Variants in ARFGEF1 observed in about 807,000 individuals in gnomAD.
ARFGEF1 encodes the protein ARF guanine nucleotide exchange factor 1.
In ARFGEF1, 42 loss-of-function variants were observed where a neutral mutation model predicts 231.0. The ratio of observed to expected loss-of-function variants is 0.18; its 90% CI spans 0.14 to 0.24. The LOEUF (loss-of-function observed/expected upper bound fraction) is 0.24. Among genes scored for constraint, ARFGEF1 ranks in the 10% least tolerant of loss-of-function variants. The pLI is 1.00. For synonymous variants in ARFGEF1, 710 were observed against 732.3 expected (o/e 0.97, Z 0.49); for missense variants, 1,345 against 2,192.0 (o/e 0.61, Z 7.72).
At chr8:67,310,445 T>C (rs1806952346) in intron 1 of ARFGEF1, among the ~76,000 whole-genome samples, 1 of 152,304 alleles carries the variant, frequency 6.6e-6, no homozygotes, top group Middle Eastern at 3.4e-3. Context: ...CTCGGCTCGC[T>C]ACAACCTACA....
At chr8:67,290,705 T>C (rs1030851222) in intron 6 of ARFGEF1, among the ~76,000 whole-genome samples, 1 of 152,166 alleles carries the variant, frequency 6.6e-6, no homozygotes, top group African/African-American at 2.4e-5. Flanking sequence ...GATTAGCCCT[T>C]TGAATCTGCC....
intron 17 of ARFGEF1, among the ~76,000 whole-genome samples, chr8:67,254,549 A>T (rs1047695262): frequency 2.0e-5 from 3 of 152,214 alleles, no homozygotes; most frequent in Non-Finnish European, 2.9e-5. Flanking sequence ...AACTATAGAG[A>T]GTGTGGTGTT....
chr8:67,332,137 A>G (rs1188587057), intron 1 of ARFGEF1, among the ~76,000 whole-genome samples: 2 of 152,204 alleles, frequency 1.3e-5, no homozygotes, highest in African/African-American at 4.8e-5. Flanking sequence ...AATATTGATG[A>G]GAGAACAGAA....
In ARFGEF1 at chr8:67,276,178, C is replaced by A; in HGVS notation, c.1204-69G>T. 5 of 1,540,134 alleles carry A rather than the reference C, an allele frequency of 3.2e-6. No homozygotes were observed. In the East Asian group the frequency reaches 1.1e-4, roughly 35 times the overall value. On this transcript the variant is annotated intron_variant, in intron 8 of 38. Transcript: ENST00000262215. ...AGTGTAAAATCGCTTCAGCCTTCTA[C>A]TGTATTTCATTCAATTCACTAACAG...
intron 1 of ARFGEF1, among the ~76,000 whole-genome samples, chr8:67,323,536 C>T (rs528208194): frequency 2.0e-5 from 3 of 152,242 alleles, no homozygotes; most frequent in African/African-American, 7.2e-5. Flanking sequence ...CCATTTATGT[C>T]GAATGTGCTT....
At chr8:67,190,800 A>C in intron 5 of ARFGEF1, 1 of 1,424,512 alleles carries the variant, frequency 7.0e-7, no homozygotes, top group Non-Finnish European at 9.9e-7. Flanking sequence ...ACTTAGAAGA[A>C]TGAGAGGTCT....
In ARFGEF1 at chr8:67,258,258, A is replaced by G; in HGVS notation, c.2268T>C (p.Asp756=). Reference sequence around the variant, plus strand: ...CATACATGACTTCTTTGTTAAATTTATCATTATCTCCCAGGAACTCACCCA... The same window carrying G: ...CATACATGACTTCTTTGTTAAATTTGTCATTATCTCCCAGGAACTCACCCA... The part of the protein sequence containing the change: ...TQVGEFLGDN[D]KFNKEVMYAY... The change falls in exon 16 of 39, where the codon GAT becomes GAC. Residue 756 remains aspartate, a synonymous_variant. Transcript: ENST00000262215. 1 of 1,607,638 alleles carries G rather than the reference A, an allele frequency of 6.2e-7. No homozygotes were observed. Among genetic ancestry groups the G allele is most frequent in the East Asian group, 2.2e-5 (1 of 44,838 alleles).
At chr8:67,276,538 A>C (rs1805321466) in intron 8 of ARFGEF1, among the ~76,000 whole-genome samples, 1 of 152,126 alleles carries the variant, frequency 6.6e-6, no homozygotes, top group Non-Finnish European at 1.5e-5. Context: ...ACCAAGCCAA[A>C]AAAAAATGTA....
rs1173511209 is a variant in ARFGEF1, at chr8:67,177,750, C to T, written c.561-2178G>A. The T allele has an allele frequency of 5.7e-6, 9 of 1,583,518 alleles. No homozygotes were observed. In the African/African-American group the frequency reaches 9.4e-5, roughly 17 times the overall value. ...TGGTAAGCAACCAGTTACAATTTTT[C>T]AAGTTAGTTTTTGGGGGATTAAAAA... On this transcript the variant is annotated intron_variant, in intron 5 of 5. Transcript: ENST00000518789.
At chr8:67,334,874 G>A (rs1808271495) in intron 1 of ARFGEF1, among the ~76,000 whole-genome samples, 1 of 152,112 alleles carries the variant, frequency 6.6e-6, no homozygotes, top group African/African-American at 2.4e-5. Flanking sequence ...ATAGATTAGT[G>A]AATGCCAGAA....
chr8:67,306,470 A>C (rs1806750663), intron 1 of ARFGEF1, among the ~76,000 whole-genome samples: 2 of 152,160 alleles, frequency 1.3e-5, no homozygotes. Context: ...TTTTAAACTG[A>C]GTATATGCGA....
chr8:67,207,756 ATC>A (rs1171121826), intron 34 of ARFGEF1, among the ~76,000 whole-genome samples: 3 of 152,190 alleles, frequency 2.0e-5, no homozygotes, highest in Non-Finnish European at 4.4e-5. Context: ...ACCACAACCT[ATC>A]CACCAAGGAA....
intron 5 of ARFGEF1, among the ~76,000 whole-genome samples, chr8:67,182,742 G>A (rs1014424938): frequency 6.6e-6 from 1 of 152,102 alleles, no homozygotes; most frequent in Non-Finnish European, 1.5e-5. Flanking sequence ...AGTGATGTTG[G>A]ACATCTTTAC....
chr8:67,236,964 A>T (rs1429141579), intron 22 of ARFGEF1, among the ~76,000 whole-genome samples: 1 of 152,190 alleles, frequency 6.6e-6, no homozygotes, highest in African/African-American at 2.4e-5. Flanking sequence ...CGTTTGACTA[A>T]AACTTCTAGA....
rs1806033100 is a variant in ARFGEF1 at position 67,292,061 on chromosome 8, A to G, written c.702T>C (p.Ser234=). Residue 234 remains serine, a synonymous_variant, in exon 6 of 39, where the codon TCT becomes TCC. Transcript: ENST00000262215. ...ATTCAGGCTCGTGATGGCTTACTGG[A>G]GACTGTAACAGATGATGATGCTGCC... ...RHRQHHHLLQ[S]PVSHHEPESP... 4 of 1,613,950 alleles carry G rather than the reference A, an allele frequency of 2.5e-6. No individual in the cohort carries two copies. The highest frequency in any genetic ancestry group is 3.4e-6 in the Non-Finnish European group (4 of 1,179,880).
intron 1 of ARFGEF1, among the ~76,000 whole-genome samples, chr8:67,329,713 T>C (rs2128932528): frequency 6.6e-6 from 1 of 151,930 alleles, no homozygotes; most frequent in South Asian, 2.1e-4. Context: ...GTGACTATCT[T>C]AGACAAAATA....
Position 67,343,480 on chromosome 8 carries a change from G to C in ARFGEF1, c.-193C>G. 7.7e-7 allele frequency: 1 copy of C among 1,302,104 alleles called. No homozygotes were observed. Among genetic ancestry groups the C allele is most frequent in the Non-Finnish European group, 9.8e-7 (1 of 1,022,186 alleles). 80.7% of individuals were successfully genotyped at this position (1,302,104 alleles called of 1,614,324 possible). On this transcript the variant is annotated 5_prime_UTR_variant, in exon 1 of 39. Transcript: ENST00000262215. ...AGCCGCGGTGTCGGCGAAGGGCGTCGAGGTCCTCGCCGCCCCCAAGAAGCC... is the reference window on the plus strand; with the variant it reads ...AGCCGCGGTGTCGGCGAAGGGCGTCCAGGTCCTCGCCGCCCCCAAGAAGCC...
chr8:67,311,543 C>T (rs1334122799), intron 1 of ARFGEF1, among the ~76,000 whole-genome samples: 5 of 146,424 alleles, frequency 3.4e-5, no homozygotes, highest in East Asian at 2.1e-4. Context: ...CCTGGCCAGC[C>T]GCCCAGTCTG....
At chr8:67,289,459 T>C (rs1453282267) in intron 6 of ARFGEF1, among the ~76,000 whole-genome samples, 1 of 141,798 alleles carries the variant, frequency 7.1e-6, no homozygotes, top group Non-Finnish European at 1.5e-5. Context: ...GAGGCTAAGA[T>C]GGAAGGATCG....
Sources: gnomAD v4.1 joint callset for allele counts (sites outside exome capture counted in the v4.1 genomes callset) on GRCh38, gnomAD v4.1.1 for gene constraint, MANE v1.5 for transcripts, NCBI Gene and HGNC (gene_info 2026-07-23, HGNC 2026-07-21) for gene names.